TREH: variants seen among roughly 807,000 people sequenced by gnomAD.
TREH encodes trehalase, also known as alpha,alpha-trehalose glucohydrolase.
Under a neutral mutation model 80.5 loss-of-function variants are expected in TREH, and 69 were observed. The ratio of observed to expected loss-of-function variants is 0.86; its 90% CI spans 0.71 to 1.05. The LOEUF is 1.05. TREH is among the 50% of genes least tolerant of loss of function. TREH has a pLI of 0.00. For missense variants in TREH, 716 were observed against 718.8 expected (o/e 1.00, Z 0.04); for synonymous variants, 309 against 293.5 (o/e 1.05, Z -0.54).
At position 118,674,500 on chromosome 11, in the gene TREH, A is replaced by G. The variant is rs1949458795; in HGVS notation, c.89+5039T>C. Among the ~76,000 whole-genome samples the G allele has an allele frequency of 6.6e-6, 1 of 151,906 alleles. No homozygotes were observed. The highest frequency in any genetic ancestry group is 1.5e-5 in the Non-Finnish European group (1 of 67,962). On this transcript the variant is annotated intron_variant, in intron 1 of 14. Transcript: ENST00000264029. This position sits in a 1 kb window ranked among gnomAD's most constrained non-coding sequence, Gnocchi z 4.4. ...ACATTCAGGTAGAAGAGATGCAACCACTCCACATAAAACCTGTTCAAGCGC... is the reference window on the plus strand; with the variant it reads ...ACATTCAGGTAGAAGAGATGCAACCGCTCCACATAAAACCTGTTCAAGCGC...
chr11:118,664,353 G>A (rs1949357113), intron 1 of TREH, among the ~76,000 whole-genome samples: 1 of 152,236 alleles, frequency 6.6e-6, no homozygotes, highest in Non-Finnish European at 1.5e-5. Flanking sequence ...TTTCCTTGCA[G>A]TGATAGAAGA....
chr11:118,676,796 C>A lies in TREH; in HGVS notation c.89+2743G>T, dbSNP rs1482084875. Among the ~76,000 whole-genome samples the A allele has an allele frequency of 7.9e-3, 1,189 of 149,662 alleles. 13 individuals carry two copies. Among genetic ancestry groups the A allele is most frequent in the African/African-American group, 0.027 (1,072 of 40,400 alleles). ...AAAAAAAAAAGAAAGAAAAAAACAA[C>A]AACAAAAAAACACTAATCAGGGACC... On this transcript the variant is annotated intron_variant, in intron 1 of 14. Transcript: ENST00000264029.
chr11:118,679,405 T>C (rs1020652728), intron 1 of TREH, 134 bp downstream of exon 1: 2 of 1,176,096 alleles, frequency 1.7e-6, no homozygotes, highest in Admixed American at 6.8e-5. Context: ...ATTCTCATTT[T>C]CTTCTCTTCC....
At chr11:118,672,233 A>G (rs1393269735) in intron 1 of TREH, among the ~76,000 whole-genome samples, 1 of 151,664 alleles carries the variant, frequency 6.6e-6, no homozygotes, top group Non-Finnish European at 1.5e-5. Flanking sequence ...TGTCTCTACC[A>G]AAAAATACAA....
In TREH at chr11:118,663,434, A is replaced by G; in HGVS notation, c.95T>C (p.Ile32Thr). 6.3e-7 allele frequency: 1 copy of G among 1,576,126 alleles called. No homozygotes were observed. The highest frequency in any genetic ancestry group is 8.6e-7 in the Non-Finnish European group (1 of 1,161,688). ...GTTTAGGAGCTCCCCGTGGCAGTAAATCTCACTGCAGAGACAGGGATAGGA... is the reference window on the plus strand; with the variant it reads ...GTTTAGGAGCTCCCCGTGGCAGTAAGTCTCACTGCAGAGACAGGGATAGGA... Reference protein sequence around the residue: ...EALPPPCESEIYCHGELLNQV... With the variant: ...EALPPPCESETYCHGELLNQV... The change falls in exon 2 of 15, where the codon ATT becomes ACT. Residue 32 changes from isoleucine to threonine, a missense_variant. Transcript: ENST00000264029.
intron 1 of TREH, among the ~76,000 whole-genome samples, chr11:118,669,058 G>T (rs1333264195): frequency 6.6e-6 from 1 of 152,102 alleles, no homozygotes; most frequent in Non-Finnish European, 1.5e-5. Flanking sequence ...AAGTAAAAAA[G>T]AAGACATACA....
At chr11:118,673,705 A>G (rs1191727532) in intron 1 of TREH, among the ~76,000 whole-genome samples, 3 of 152,356 alleles carry the variant, frequency 2.0e-5, no homozygotes, top group East Asian at 1.9e-4. Context: ...TGTGATTTCC[A>G]TATAGACAAG....
Position 118,658,989 on chromosome 11 carries a change from G to C in TREH, c.1461C>G (p.Ala487=). ...GAGCCAGCTGGAAAGCCACTTCCTGGGCCCGACGTAAAGGTGCCTTGGCCA... is the reference window on the plus strand; with the variant it reads ...GAGCCAGCTGGAAAGCCACTTCCTGCGCCCGACGTAAAGGTGCCTTGGCCA... ...RGLAKAPLRR[A]QEVAFQLAQN... is the part of the protein sequence containing the mutation. The change falls in exon 13 of 15, where the codon GCC becomes GCG. Residue 487 remains alanine, a synonymous_variant. Transcript: ENST00000264029. 6.2e-7 allele frequency: 1 copy of C among 1,613,838 alleles called. No individual in the cohort carries two copies. The highest frequency in any genetic ancestry group is 2.2e-5 in the East Asian group (1 of 44,872).
Position 118,658,671 on chromosome 11 carries a change from C to T in TREH, c.1599+9G>A. ...CTGGTGTTGGCCAGCCCACCCCTGG[C>T]CTGCTCACCTGAACTTCATATTCTC... On this transcript the variant is annotated intron_variant, in intron 14 of 14. Transcript: ENST00000264029. 5.7e-6 allele frequency: 9 copies of T among 1,585,016 alleles called. No individual in the cohort carries two copies. The highest frequency in any genetic ancestry group is 1.3e-5 in the African/African-American group (1 of 74,212).
In TREH at chr11:118,663,811, C is replaced by T. The variant is rs183127433; in HGVS notation, c.90-372G>A. ...CGATCGGAAGGGCTTATGGCAGAAA[C>T]CTGGGAGGTGCACTCAGTGGTGATG... On this transcript the variant is annotated intron_variant, in intron 1 of 14. Transcript: ENST00000264029. Among the ~76,000 whole-genome samples, 10 of 146,264 alleles carry T rather than the reference C, an allele frequency of 6.8e-5. No homozygotes were observed. In the East Asian group the frequency reaches 1.9e-3, roughly 27 times the overall value.
intron 11 of TREH, 119 bp downstream of exon 11, chr11:118,659,628 C>A (rs1949287235): frequency 7.2e-7 from 1 of 1,392,336 alleles, no homozygotes; most frequent in Non-Finnish European, 9.7e-7. Flanking sequence ...TCTGGTGGGA[C>A]CCGCAGGCTG....
chr11:118,665,514 C>A (rs1361127739), intron 1 of TREH, among the ~76,000 whole-genome samples: 3 of 152,114 alleles, frequency 2.0e-5, no homozygotes, highest in Non-Finnish European at 4.4e-5. Flanking sequence ...GTGGCGGGTG[C>A]CTGTAGTCCC....
At chr11:118,677,640 G>A (rs1046629913) in intron 1 of TREH, among the ~76,000 whole-genome samples, 4 of 152,260 alleles carry the variant, frequency 2.6e-5, no homozygotes, top group East Asian at 1.9e-4. Context: ...CAGGAGAATC[G>A]CTTGAACCCA....
Position 118,662,985 on chromosome 11 carries a change from CCCACAGGGTT to C in TREH, c.336-27_336-18del, listed in dbSNP as rs1555145271. 2 of 1,611,730 alleles carry C rather than the reference CCCACAGGGTT, an allele frequency of 1.2e-6. No homozygotes were observed. Among genetic ancestry groups the C allele is most frequent in the Non-Finnish European group, 1.7e-6 (2 of 1,178,640 alleles). On this transcript the variant is annotated intron_variant, in intron 3 of 14. Transcript: ENST00000264029. ...AACTGGGGGCTGAAAGAACACAGGC[CCCACAGGGTT>C]CAAGGAGGCAGCTCAGTTGGAAGGA...
chr11:118,658,888 G>C lies in TREH; in HGVS notation c.1545+17C>G, dbSNP rs199919053. 300 of 1,613,516 alleles carry C rather than the reference G, an allele frequency of 1.9e-4. No individual in the cohort carries two copies. The highest frequency in any genetic ancestry group is 5.0e-4 in the Middle Eastern group (3 of 6,060). ...TGGGACAGCCTGGGGGTGCAGGGAG[G>C]GCTTGGGCCAGCTCACCTTCTCATA... On this transcript the variant is annotated intron_variant, in intron 13 of 14. Transcript: ENST00000264029.
chr11:118,663,398 A>G lies in TREH; in HGVS notation c.131T>C (p.Met44Thr), dbSNP rs1475623077. ...CHGELLNQVQ[M>T]AKLYQDDKQF... Reference sequence around the variant, plus strand: ...CTTGTCATCCTGGTAGAGCTTGGCCATTTGAACTTGGTTTAGGAGCTCCCC... The same window carrying G: ...CTTGTCATCCTGGTAGAGCTTGGCCGTTTGAACTTGGTTTAGGAGCTCCCC... Residue 44 changes from methionine to threonine, a missense_variant, in exon 2 of 15, where the codon ATG (methionine) becomes ACG (threonine). Transcript: ENST00000264029. 3.8e-6 allele frequency: 6 copies of G among 1,596,736 alleles called. No individual in the cohort carries two copies. The highest frequency in any genetic ancestry group is 2.7e-5 in the African/African-American group (2 of 74,632).
At chr11:118,659,594 G>A (rs1203313842) in intron 11 of TREH, 113 bp from the exon 12 acceptor site, 13 of 1,346,952 alleles carry the variant, frequency 9.7e-6, no homozygotes, top group South Asian at 5.9e-5. Context: ...TTCTTTTCTC[G>A]GCTCACAGCT....
chr11:118,658,129 C>T lies in TREH; in HGVS notation c.*160G>A. The T allele has an allele frequency of 9.8e-7, 1 of 1,017,426 alleles. No individual in the cohort carries two copies. 63.0% of individuals were successfully genotyped at this position (1,017,426 alleles called of 1,614,324 possible). On this transcript the variant is annotated 3_prime_UTR_variant, in exon 15 of 15. Coordinates refer to ENST00000264029, the MANE Select transcript of TREH (RefSeq NM_007180.3). The stretch of plus-strand genomic sequence containing the variant: ...CCCTATTCAAGGTTCCAGGAGGGAG[C>T]TAGGCCCCTACCCATGACCTCCAGG...
rs782117647 is a variant in TREH at position 118,659,420 on chromosome 11, T to A, written c.1382A>T (p.Gln461Leu). The A allele has an allele frequency of 6.2e-7, 1 of 1,607,440 alleles. No homozygotes were observed. Among genetic ancestry groups the A allele is most frequent in the Non-Finnish European group, 8.5e-7 (1 of 1,176,722 alleles). ...GGCCCAGGCATTGGGGAAATCCCAC[T>A]GCTGGCCTGTCTTCTGGAGAGAGGT... ...IPTSLQKTGQ[Q>L]WDFPNAWAPL... Residue 461 changes from glutamine to leucine, a missense_variant, in exon 12 of 15, where the codon CAG becomes CTG. Coordinates refer to ENST00000264029, the MANE Select transcript of TREH (RefSeq NM_007180.3).
Sources: allele counts gnomAD v4.1 joint callset (sites outside exome capture counted in the v4.1 genomes callset), GRCh38; gene constraint gnomAD v4.1.1; non-coding constraint Gnocchi (gnomAD v3.1); transcripts MANE v1.5; gene names NCBI Gene and HGNC (gene_info 2026-07-23, HGNC 2026-07-21).